Variants in DNAH6 observed in about 807,000 individuals in gnomAD.
DNAH6 encodes the protein dynein axonemal heavy chain 6, also known as axonemal beta dynein heavy chain 6.
Under a neutral mutation model 491.4 loss-of-function variants are expected in DNAH6, and 340 were observed. The observed-to-expected ratio is 0.69, with a 90% CI of 0.63 to 0.76. The LOEUF (loss-of-function observed/expected upper bound fraction) is 0.76, where lower values mean the gene tolerates loss of function less well. DNAH6 is among the 30% of genes least tolerant of loss of function. The pLI, the probability that DNAH6 is intolerant of heterozygous loss-of-function variation, is 0.00. For synonymous variants in DNAH6, 1,603 were observed against 1,686.1 expected, an observed-to-expected ratio of 0.95 and a Z score of 1.21; for missense variants, 4,443 against 4,972.2, an observed-to-expected ratio of 0.89 and a Z score of 3.20.
intron 3 of DNAH6, among the ~76,000 whole-genome samples, chr2:84,528,693 G>A (rs1331000772): frequency 6.6e-6 from 1 of 152,074 alleles, no homozygotes; most frequent in Non-Finnish European, 1.5e-5. Context: ...ACTGCTTTGT[G>A]GTAAAAGGAT....
intron 23 of DNAH6, among the ~76,000 whole-genome samples, chr2:84,619,392 A>G (rs1292746203): frequency 2.6e-5 from 4 of 152,238 alleles, no homozygotes; most frequent in Non-Finnish European, 5.9e-5. Flanking sequence ...TAAGACAGAT[A>G]TGTGAACACA....
chr2:84,719,881 CACACACACACACACACAG>C (rs201152903), intron 59 of DNAH6, among the ~76,000 whole-genome samples: 5,580 of 151,790 alleles, frequency 0.037, 116 homozygotes, highest in Middle Eastern at 0.093. Context: ...CACACACACA[CACACACACACACACACAG>C]ACACACACAC....
chr2:84,658,164 TGA>T (rs1691155624), intron 35 of DNAH6, 126 bp from the exon 36 acceptor site: 1 of 554,020 alleles, frequency 1.8e-6, no homozygotes, highest in Non-Finnish European at 2.9e-6. Context: ...TAATATGTTG[TGA>T]TAGTTATAGC....
At chr2:84,665,905 G>A (rs1395268364) in intron 37 of DNAH6, among the ~76,000 whole-genome samples, 2 of 152,142 alleles carry the variant, frequency 1.3e-5, no homozygotes, top group Admixed American at 6.5e-5. Flanking sequence ...TATCCACCAC[G>A]ATCAAGTGGG....
In DNAH6 at chr2:84,733,599, C is replaced by T; in HGVS notation, c.10342+20C>T. 1.3e-6 allele frequency: 2 copies of T among 1,548,880 alleles called. No individual in the cohort carries two copies. Among genetic ancestry groups the T allele is most frequent in the Non-Finnish European group, 1.7e-6 (2 of 1,145,250 alleles). The stretch of plus-strand genomic sequence containing the variant: ...GCTTAGGTAATGTGACAAAAAGAAC[C>T]TGCTGAGGAGGCTTATAAACAGGCT... On this transcript the variant is annotated intron_variant, in intron 62 of 76. Transcript: ENST00000389394.
chr2:84,699,862 A>G (rs995568617), intron 48 of DNAH6, 128 bp downstream of exon 48: 10 of 859,896 alleles, frequency 1.2e-5, no homozygotes, highest in Middle Eastern at 5.0e-4. Flanking sequence ...ATTTATTCAT[A>G]TAGAGAATGA....
chr2:84,499,630 G>C, the DNAH6 span, among the ~76,000 whole-genome samples: 136 of 152,278 alleles, frequency 8.9e-4, 3 homozygotes, highest in East Asian at 0.026. Flanking sequence ...GTTCTCCATA[G>C]TGGTTGTACT....
rs185327320 is a variant in DNAH6, at chr2:84,714,734, G to A, written c.9544-826G>A. Among the ~76,000 whole-genome samples, 242 of 151,860 alleles carry A rather than the reference G, an allele frequency of 1.6e-3. 2 individuals are homozygous for A. The highest frequency in any genetic ancestry group is 2.5e-4 in the Non-Finnish European group (17 of 67,954). ...TCTCACTTATTTAACTTTTGAGAGGGTGTATTGCCCACAAGACCCAAGCCT... is the reference window on the plus strand; with the variant it reads ...TCTCACTTATTTAACTTTTGAGAGGATGTATTGCCCACAAGACCCAAGCCT... On this transcript the variant is annotated intron_variant, in intron 57 of 76. Coordinates refer to ENST00000389394, the MANE Select transcript of DNAH6 (RefSeq NM_001370.2).
chr2:84,589,118 G>C (rs1683848608), intron 16 of DNAH6, among the ~76,000 whole-genome samples, 164 bp downstream of exon 16: 1 of 152,152 alleles, frequency 6.6e-6, no homozygotes, highest in Non-Finnish European at 1.5e-5. Flanking sequence ...TATGTTCCTT[G>C]CCTTCGAAGT....
intron 9 of DNAH6, among the ~76,000 whole-genome samples, chr2:84,550,700 T>C (rs1293495609): frequency 1.3e-5 from 2 of 152,108 alleles, no homozygotes; most frequent in Non-Finnish European, 2.9e-5. Context: ...CTGTGCTGGA[T>C]GTCGAATATA....
At chr2:84,761,807 C>T (rs1438329395) in intron 63 of DNAH6, among the ~76,000 whole-genome samples, 1 of 151,796 alleles carries the variant, frequency 6.6e-6, no homozygotes, top group African/African-American at 2.4e-5. Context: ...CACACACACA[C>T]ACACACACAC....
rs1219241376 is a variant in DNAH6, at chr2:84,797,591, A to T, written c.11414A>T (p.Glu3805Val). The T allele has an allele frequency of 1.8e-5, 28 of 1,551,778 alleles. No individual in the cohort carries two copies. The highest frequency in any genetic ancestry group is 2.4e-5 in the Non-Finnish European group (27 of 1,146,914). Residue 3805 changes from glutamate (E) to valine (V), a missense_variant, in exon 70 of 77, where the codon GAA becomes GTA. This residue lies in a region of DNAH6 where 1,463 missense variants were observed against 1,656.6 expected (regional missense o/e 0.88). Coordinates refer to ENST00000389394, the MANE Select transcript of DNAH6 (RefSeq NM_001370.2). ...CTACAAGAGTTTAAGGACTACATTG[A>T]AAATCTGCCTTTGATCGATGACCCA... ...DSLQEFKDYIENLPLIDDPEI... is the reference protein window; with the variant it reads ...DSLQEFKDYIVNLPLIDDPEI...
chr2:84,507,601 A>G, the DNAH6 span, among the ~76,000 whole-genome samples: 1 of 152,156 alleles, frequency 6.6e-6, no homozygotes, highest in Middle Eastern at 3.4e-3. Flanking sequence ...TTCCAACACT[A>G]TGTTGAATAG....
At chr2:84,670,542 T>C in intron 39 of DNAH6, 67 bp downstream of exon 39, 1 of 1,075,336 alleles carries the variant, frequency 9.3e-7, no homozygotes, top group South Asian at 1.5e-5. Context: ...ACATAAATAG[T>C]GCATGTAATA....
At chr2:84,754,838 A>C (rs1378904073) in intron 63 of DNAH6, among the ~76,000 whole-genome samples, 1 of 152,222 alleles carries the variant, frequency 6.6e-6, no homozygotes, top group East Asian at 1.9e-4. Flanking sequence ...TAAGATTTTG[A>C]TAAGAATGGC....
At chr2:84,620,564 C>T (rs1687296045) in intron 24 of DNAH6, among the ~76,000 whole-genome samples, 1 of 152,124 alleles carries the variant, frequency 6.6e-6, no homozygotes, top group African/African-American at 2.4e-5. Context: ...ACGTTTCACA[C>T]ACAGGAACTG....
intron 64 of DNAH6, among the ~76,000 whole-genome samples, chr2:84,776,211 T>C (rs1320800767): frequency 1.3e-5 from 2 of 152,168 alleles, no homozygotes; most frequent in Non-Finnish European, 2.9e-5. Context: ...GGACTAGAAA[T>C]GTCCAGTGAA....
chr2:84,617,251 G>A (rs1686944645), intron 23 of DNAH6, among the ~76,000 whole-genome samples: 1 of 151,792 alleles, frequency 6.6e-6, no homozygotes, highest in African/African-American at 2.4e-5. Flanking sequence ...GTGTGTTATG[G>A]GGTACATAAC....
chr2:84,623,950 G>A (rs756809174), intron 26 of DNAH6, among the ~76,000 whole-genome samples: 4 of 152,112 alleles, frequency 2.6e-5, no homozygotes, highest in East Asian at 1.9e-4. Context: ...GGTTAAGAAC[G>A]TGGGCTTTCC....
Sources: gnomAD v4.1 joint callset for allele counts (sites outside exome capture counted in the v4.1 genomes callset) on GRCh38, gnomAD v4.1.1 for gene constraint, gnomAD v4.1.1 regional missense constraint, MANE v1.5 for transcripts, NCBI Gene and HGNC (gene_info 2026-07-23, HGNC 2026-07-21) for gene names.